BMPR1B: variants seen among roughly 807,000 people sequenced by gnomAD.
The protein encoded by BMPR1B is bone morphogenetic protein receptor type 1B, also known as bone morphogenetic protein receptor type-1B.
Under a neutral mutation model 59.1 loss-of-function variants are expected in BMPR1B, and 12 were observed. The observed-to-expected ratio is 0.20, with a 90% CI of 0.13 to 0.33. The LOEUF (loss-of-function observed/expected upper bound fraction) is 0.33. Ranked by LOEUF, BMPR1B falls within the 10% of genes least tolerant of loss-of-function variation. The probability of loss-of-function intolerance (pLI) is 1.00; values close to 1 mark genes in which losing one functional copy is unlikely to be tolerated. For missense variants in BMPR1B, 550 were observed against 610.9 expected (o/e 0.90, Z 1.05); for synonymous variants, 237 against 207.3 (o/e 1.14, Z -1.23).
At chr4:94,980,201 A>G (rs566509267) in intron 2 of BMPR1B, among the ~76,000 whole-genome samples, 33 of 152,332 alleles carry the variant, frequency 2.2e-4, no homozygotes, top group African/African-American at 7.0e-4. Flanking sequence ...CACTGATAAG[A>G]TTTATTCATC....
At chr4:95,154,157 C>T (rs1212963928) in intron 12 of BMPR1B, among the ~76,000 whole-genome samples, 4 of 152,158 alleles carry the variant, frequency 2.6e-5, no homozygotes, top group Non-Finnish European at 5.9e-5. Context: ...CTGCAGCAGA[C>T]AGCTATGATT....
intron 9 of BMPR1B, among the ~76,000 whole-genome samples, chr4:95,130,354 G>A (rs1368780215): frequency 2.6e-5 from 4 of 152,116 alleles, no homozygotes; most frequent in Admixed American, 6.5e-5. Flanking sequence ...GGAATTTGAA[G>A]GAACTTATTT....
At chr4:94,849,495 G>A (rs1725484006) in intron 1 of BMPR1B, among the ~76,000 whole-genome samples, 1 of 152,088 alleles carries the variant, frequency 6.6e-6, no homozygotes, top group Non-Finnish European at 1.5e-5. Flanking sequence ...AATAGGAAAT[G>A]AGGTCAAGAG....
rs114444236 is a variant in BMPR1B, at chr4:94,773,178, G to A, written c.-183+15110G>A. Reference sequence around the variant, plus strand: ...GAAAAGAGCATACGATTGAGAGACAGGAAAGGTCATAATCTAGAATCTGGA... The same window carrying A: ...GAAAAGAGCATACGATTGAGAGACAAGAAAGGTCATAATCTAGAATCTGGA... On this transcript the variant is annotated intron_variant, in intron 1 of 12. Coordinates refer to ENST00000515059, the MANE Select transcript of BMPR1B (RefSeq NM_001203.3). Among the ~76,000 whole-genome samples the A allele has an allele frequency of 1.8e-3, 279 of 152,204 alleles. 4 individuals are homozygous for A. Among genetic ancestry groups the A allele is most frequent in the Non-Finnish European group, 2.5e-3 (172 of 67,942 alleles).
intron 2 of BMPR1B, among the ~76,000 whole-genome samples, chr4:94,993,119 G>A (rs1247554362): frequency 2.0e-5 from 3 of 152,046 alleles, no homozygotes; most frequent in African/African-American, 7.2e-5. Context: ...TCGAACTTCT[G>A]GCCTCAAGAA....
At chr4:94,839,510 T>C (rs1187577924) in intron 1 of BMPR1B, among the ~76,000 whole-genome samples, 2 of 149,168 alleles carry the variant, frequency 1.3e-5, no homozygotes, top group Admixed American at 6.7e-5. Flanking sequence ...TTTACCATTA[T>C]GTAATGGCCT....
chr4:94,848,037 A>G (rs1725409051), intron 1 of BMPR1B, among the ~76,000 whole-genome samples: 2 of 152,248 alleles, frequency 1.3e-5, no homozygotes, highest in African/African-American at 4.8e-5. Flanking sequence ...CATGTACTCC[A>G]TAAATGTATA....
chr4:94,922,885 T>A (rs1344024726), intron 2 of BMPR1B, among the ~76,000 whole-genome samples: 1 of 152,142 alleles, frequency 6.6e-6, no homozygotes, highest in Non-Finnish European at 1.5e-5. Flanking sequence ...AATTATGCAA[T>A]CTTTTAACAA....
At chr4:94,759,655 A>G (rs1220941388) in intron 1 of BMPR1B, among the ~76,000 whole-genome samples, 1 of 152,228 alleles carries the variant, frequency 6.6e-6, no homozygotes. Context: ...AAGAAGAATT[A>G]TTTCTAGCTG....
rs193131322 is a variant in BMPR1B, at chr4:94,817,462, G to A, written c.-182-58369G>A. Among the ~76,000 whole-genome samples, 316 of 152,110 alleles carry A rather than the reference G, an allele frequency of 2.1e-3. 1 individual carries two copies. The highest frequency in any genetic ancestry group is 3.7e-3 in the Non-Finnish European group (249 of 68,008). The stretch of plus-strand genomic sequence containing the variant: ...TCCTGCTTTGATGAGTTCAGATTCT[G>A]GCTCTGCTGTTTTCTAGGTACATGG... On this transcript the variant is annotated intron_variant, in intron 1 of 12. Coordinates refer to ENST00000515059, the MANE Select transcript of BMPR1B (RefSeq NM_001203.3).
At chr4:94,764,330 A>G (rs993270032) in intron 1 of BMPR1B, among the ~76,000 whole-genome samples, 1 of 152,160 alleles carries the variant, frequency 6.6e-6, no homozygotes, top group Non-Finnish European at 1.5e-5. Context: ...TTGTGAGATC[A>G]GTTTGGGCTG....
At chr4:94,785,740 A>C (rs1722741852) in intron 1 of BMPR1B, among the ~76,000 whole-genome samples, 1 of 152,212 alleles carries the variant, frequency 6.6e-6, no homozygotes, top group South Asian at 2.1e-4. Flanking sequence ...GCAAGGCTGC[A>C]GTATAAGACT....
At chr4:95,104,334 C>T (rs1731041715) in intron 3 of BMPR1B, 74 bp from the exon 4 acceptor site, 1 of 1,485,934 alleles carries the variant, frequency 6.7e-7, no homozygotes, top group Non-Finnish European at 9.3e-7. Flanking sequence ...AATGTAATCT[C>T]ATGTTTTCGT....
rs1729000837 is a variant in BMPR1B at position 94,929,227 on chromosome 4, G to A, written c.-113+53327G>A. Reference sequence around the variant, plus strand: ...CGTCGTTAAACATTTGTTTGGTATTGCCTTGGGGGATAGTGGCATGTCTTA... The same window carrying A: ...CGTCGTTAAACATTTGTTTGGTATTACCTTGGGGGATAGTGGCATGTCTTA... On this transcript the variant is annotated intron_variant, in intron 2 of 12. Coordinates refer to ENST00000515059, the MANE Select transcript of BMPR1B (RefSeq NM_001203.3). 2.0e-5 allele frequency among the ~76,000 whole-genome samples: 3 copies of A among 152,070 alleles called. No homozygotes were observed. The South Asian group carries it at 6.2e-4, about 32-fold the overall frequency.
chr4:94,879,717 AT>A (rs1726882874), intron 2 of BMPR1B, among the ~76,000 whole-genome samples: 1 of 151,980 alleles, frequency 6.6e-6, no homozygotes, highest in African/African-American at 2.4e-5. Flanking sequence ...TTTTTTCCCC[AT>A]TATTATAGAA....
chr4:95,015,980 C>T (rs540503261), intron 3 of BMPR1B, among the ~76,000 whole-genome samples: 5 of 152,232 alleles, frequency 3.3e-5, no homozygotes, highest in South Asian at 2.1e-4. Flanking sequence ...CGTGAGCCAC[C>T]GCGCCGGCTG....
chr4:94,924,590 A>G (rs1424979808), intron 2 of BMPR1B, among the ~76,000 whole-genome samples: 1 of 152,152 alleles, frequency 6.6e-6, no homozygotes, highest in Admixed American at 6.6e-5. Context: ...ACTGACCTCC[A>G]ACATTCATTT....
chr4:94,795,879 A>G (rs1022571183), intron 1 of BMPR1B, among the ~76,000 whole-genome samples: 1 of 152,188 alleles, frequency 6.6e-6, no homozygotes, highest in African/African-American at 2.4e-5. Flanking sequence ...TATATTTGGT[A>G]GATTCATACT....
chr4:94,994,416 G>A (rs1235878524), intron 2 of BMPR1B, among the ~76,000 whole-genome samples: 3 of 152,184 alleles, frequency 2.0e-5, no homozygotes, highest in Non-Finnish European at 4.4e-5. Context: ...GAAGTCTGGA[G>A]TGAGGAATTA....
Sources: allele counts gnomAD v4.1 joint callset (sites outside exome capture counted in the v4.1 genomes callset), GRCh38; gene constraint gnomAD v4.1.1; transcripts MANE v1.5; gene names NCBI Gene and HGNC (gene_info 2026-07-23, HGNC 2026-07-21).